MAP4K4: variants seen among roughly 807,000 people sequenced by gnomAD.
MAP4K4 encodes the protein HPK/GCK-like kinase HGK.
A neutral mutation model predicts 189.6 loss-of-function variants in MAP4K4; 38 were observed. That is an observed-to-expected ratio of 0.20 (90% CI 0.15 to 0.26). The LOEUF is 0.26. Among genes scored for constraint, MAP4K4 ranks in the 10% least tolerant of loss-of-function variants. The pLI is 1.00. For missense variants in MAP4K4, 1,054 were observed against 1,726.9 expected (o/e 0.61, Z 6.91); for synonymous variants, 610 against 624.3 (o/e 0.98, Z 0.34).
chr2:101,889,454 A>G (rs1489484072), intron 32 of MAP4K4, among the ~76,000 whole-genome samples: 1 of 152,100 alleles, frequency 6.6e-6, no homozygotes, highest in African/African-American at 2.4e-5. Flanking sequence ...ACCCCATGGC[A>G]TGACACCCCC....
chr2:101,867,456 C>T (rs1461874562), intron 20 of MAP4K4, 147 bp downstream of exon 20: 2 of 615,070 alleles, frequency 3.3e-6, no homozygotes, highest in African/African-American at 3.7e-5. Flanking sequence ...AAACCCCAGA[C>T]ATACTTGTTC....
intron 3 of MAP4K4, among the ~76,000 whole-genome samples, chr2:101,814,668 G>A (rs941065026): frequency 1.3e-5 from 2 of 152,164 alleles, no homozygotes; most frequent in African/African-American, 4.8e-5. Flanking sequence ...AAGAGCCAAG[G>A]TGATTTTGGT....
At chr2:101,782,316 A>G (rs543629968) in intron 2 of MAP4K4, among the ~76,000 whole-genome samples, 1 of 152,314 alleles carries the variant, frequency 6.6e-6, no homozygotes, top group East Asian at 1.9e-4. Flanking sequence ...AAGTCTACAC[A>G]TTGCCTGCAA....
chr2:101,861,185 G>A, intron 16 of MAP4K4, 199 bp downstream of exon 16: 1 of 562,634 alleles, frequency 1.8e-6, no homozygotes, highest in South Asian at 2.5e-5. Context: ...AGATTTCTAT[G>A]TACTCATTAA....
intron 2 of MAP4K4, among the ~76,000 whole-genome samples, chr2:101,745,819 C>T (rs1376884780): frequency 2.0e-5 from 3 of 151,894 alleles, no homozygotes; most frequent in Admixed American, 1.3e-4. Flanking sequence ...TAAATAAACC[C>T]CTTACAAAGT....
chr2:101,861,069 T>G lies in MAP4K4; in HGVS notation c.1866+83T>G, dbSNP rs900458609. On this transcript the variant is annotated intron_variant, in intron 16 of 32. Transcript: ENST00000324219. Reference sequence around the variant, plus strand: ...GCAGGCCTGCTGTAATATCACAGTTTAGTTTGTCACCACACTGAAAAAGAG... The same window carrying G: ...GCAGGCCTGCTGTAATATCACAGTTGAGTTTGTCACCACACTGAAAAAGAG... The G allele has an allele frequency of 2.3e-6, 3 of 1,297,664 alleles. No homozygotes were observed. The South Asian group carries it at 4.4e-5, about 19-fold the overall frequency. 80.4% of individuals were successfully genotyped at this position (1,297,664 alleles called of 1,614,324 possible).
At chr2:101,751,165 G>T (rs2068752899) in intron 2 of MAP4K4, among the ~76,000 whole-genome samples, 3 of 152,304 alleles carry the variant, frequency 2.0e-5, no homozygotes, top group Admixed American at 6.5e-5. Flanking sequence ...TTTTTGTAAA[G>T]AATTCAGTGT....
intron 2 of MAP4K4, among the ~76,000 whole-genome samples, chr2:101,778,016 T>G (rs918715013): frequency 2.0e-5 from 3 of 152,208 alleles, no homozygotes; most frequent in Non-Finnish European, 2.9e-5. Context: ...AGAGTTTCAA[T>G]TCAGTGTTCT....
chr2:101,751,612 C>T (rs142473837), intron 2 of MAP4K4, among the ~76,000 whole-genome samples: 2 of 152,332 alleles, frequency 1.3e-5, no homozygotes, highest in East Asian at 3.9e-4. Flanking sequence ...CTCTGCCTGA[C>T]CTCATGGAGC....
chr2:101,727,918 G>A lies in MAP4K4; in HGVS notation c.123+29380G>A, dbSNP rs111661619. 4.7e-3 allele frequency among the ~76,000 whole-genome samples: 713 copies of A among 152,242 alleles called. 5 individuals carry two copies. Among genetic ancestry groups the A allele is most frequent in the Non-Finnish European group, 7.2e-3 (492 of 68,014 alleles). On this transcript the variant is annotated intron_variant, in intron 2 of 32. Transcript: ENST00000324219. ...CAGGAGGCGGAGGTTGCAGTGAGCC[G>A]AGATCACGCCACCGCACTCCAGCCT...
At chr2:101,771,376 T>C (rs1026955182) in intron 2 of MAP4K4, among the ~76,000 whole-genome samples, 14 of 152,346 alleles carry the variant, frequency 9.2e-5, no homozygotes, top group Admixed American at 1.3e-4. Flanking sequence ...GATGAGAAGA[T>C]GGCAGTGGAA....
rs150758007 is a variant in MAP4K4, at chr2:101,828,615, A to G, written c.418-889A>G. 4.8e-3 allele frequency among the ~76,000 whole-genome samples: 724 copies of G among 152,352 alleles called. 5 individuals carry two copies. Among genetic ancestry groups the G allele is most frequent in the African/African-American group, 0.016 (680 of 41,578 alleles). ...TTAATTCATATCTTACAAAGTAATGATAACAATAAAACCCCATGAAAAAAG... is the reference window on the plus strand; with the variant it reads ...TTAATTCATATCTTACAAAGTAATGGTAACAATAAAACCCCATGAAAAAAG... On this transcript the variant is annotated intron_variant, in intron 5 of 32. Transcript: ENST00000324219.
intron 2 of MAP4K4, among the ~76,000 whole-genome samples, chr2:101,780,104 G>C (rs914928429): frequency 3.9e-5 from 6 of 152,164 alleles, no homozygotes; most frequent in South Asian, 2.1e-4. Context: ...GTACATATAC[G>C]TAGGTTCACG....
chr2:101,797,024 C>A (rs1011221827), intron 3 of MAP4K4, among the ~76,000 whole-genome samples: 1 of 152,182 alleles, frequency 6.6e-6, no homozygotes, highest in Non-Finnish European at 1.5e-5. Context: ...ATGGGCAGGA[C>A]ACCTTGCTTT....
chr2:101,892,636 T>C, exon 33 of MAP4K4: 1 of 307,804 alleles, frequency 3.2e-6, no homozygotes. Flanking sequence ...TTTAAGAATG[T>C]AGTTAATTCT....
exon 13 of MAP4K4, chr2:101,856,114 A>G (rs1559204968): frequency 6.4e-7 from 1 of 1,551,568 alleles, no homozygotes; most frequent in Admixed American, 2.0e-5. Flanking sequence ...CAGAAGAAGA[A>G]AAGAGGAGAG....
chr2:101,742,597 A>G lies in MAP4K4; in HGVS notation c.123+44059A>G, dbSNP rs142371439. Among the ~76,000 whole-genome samples the G allele has an allele frequency of 2.5e-3, 381 of 152,310 alleles. 1 individual carries two copies. Among genetic ancestry groups the G allele is most frequent in the African/African-American group, 8.7e-3 (362 of 41,570 alleles). ...AGTAAAATGAGTGAGGACTAAAGCT[A>G]GCACTGCTTTCCCACTTCCTCTGGC... is the stretch of plus-strand genomic sequence containing the variant. On this transcript the variant is annotated intron_variant, in intron 2 of 32. Transcript: ENST00000324219.
chr2:101,760,643 A>T (rs976255505), intron 2 of MAP4K4, among the ~76,000 whole-genome samples: 12 of 151,886 alleles, frequency 7.9e-5, no homozygotes, highest in African/African-American at 2.9e-4. Flanking sequence ...AGTAGATAAG[A>T]TGTTCTTCTA....
chr2:101,772,219 A>C (rs1370127527), intron 2 of MAP4K4, among the ~76,000 whole-genome samples: 1 of 152,230 alleles, frequency 6.6e-6, no homozygotes, highest in East Asian at 1.9e-4. Context: ...GCCACCTGAA[A>C]ATCATTCAGA....
Sources: gnomAD v4.1 joint callset for allele counts (sites outside exome capture counted in the v4.1 genomes callset) on GRCh38, gnomAD v4.1.1 for gene constraint, MANE v1.5 for transcripts, NCBI Gene and HGNC (gene_info 2026-07-23, HGNC 2026-07-21) for gene names.